Variants in SORBS2 observed in about 807,000 individuals in gnomAD.
SORBS2 encodes the protein sorbin and SH3 domain-containing protein 2.
A neutral mutation model predicts 97.7 loss-of-function variants in SORBS2; 46 were observed. That is an observed-to-expected ratio of 0.47 (90% confidence interval 0.37 to 0.60). SORBS2 has a LOEUF of 0.60. SORBS2 is among the 20% of genes least tolerant of loss of function. The pLI is 0.00. For missense variants in SORBS2, 1,316 were observed against 1,282.3 expected (o/e 1.03, Z -0.40); for synonymous variants, 476 against 473.4 (o/e 1.01, Z -0.07).
At chr4:185,628,348 C>A (rs1469772784) in intron 5 of SORBS2, among the ~76,000 whole-genome samples, 1 of 149,318 alleles carries the variant, frequency 6.7e-6, no homozygotes, top group East Asian at 1.9e-4. Context: ...AAAAAGACAT[C>A]AAGAGAGGAA....
chr4:185,903,277 C>T (rs1220564530), intron 1 of SORBS2, among the ~76,000 whole-genome samples: 1 of 152,100 alleles, frequency 6.6e-6, no homozygotes, highest in Non-Finnish European at 1.5e-5. Context: ...ATCTTGGGCT[C>T]TTTAAGATTA....
chr4:185,835,470 T>C lies in SORBS2; in HGVS notation c.-337-60104A>G, dbSNP rs28447280. Among the ~76,000 whole-genome samples the C allele has an allele frequency of 3.8e-3, 580 of 152,300 alleles. 5 individuals carry two copies. Among genetic ancestry groups the C allele is most frequent in the African/African-American group, 0.013 (547 of 41,576 alleles). On this transcript the variant is annotated intron_variant, in intron 1 of 20. Transcript: ENST00000284776. ...ATTATCTCACATTCAGGTGAACTTATGACATTTTTTCCCCTGAGGAATCTA... is the reference window on the plus strand; with the variant it reads ...ATTATCTCACATTCAGGTGAACTTACGACATTTTTTCCCCTGAGGAATCTA...
At chr4:185,778,691 A>G (rs2099012603) in intron 1 of SORBS2, among the ~76,000 whole-genome samples, 1 of 152,160 alleles carries the variant, frequency 6.6e-6, no homozygotes, top group South Asian at 2.1e-4. Flanking sequence ...CTGATTCCAG[A>G]TTAAAGCAAG....
chr4:185,948,510 A>ATTTTTTTTTTTT (rs34637572), intron 1 of SORBS2, among the ~76,000 whole-genome samples: 1 of 87,734 alleles, frequency 1.1e-5, no homozygotes. Flanking sequence ...ATGAATTTCA[A>ATTTTTTTTTTTT]TTTTTTTTTT....
In SORBS2 at chr4:185,623,886, A is replaced by G; in HGVS notation, c.1243T>C (p.Ser415Pro). ...TTCTGGATCAGCTTTTCGAATTCGG[A>G]GATGCGTGTGGGCACCATGTCCCGG... is the stretch of plus-strand genomic sequence containing the variant. Residue 415 changes from serine to proline, a missense_variant, in exon 7 of 15, where the codon TCC becomes CCC. Ser to Pro is a moderately conservative substitution (Grantham distance 74). Transcript: ENST00000418609. The surrounding 1 kb of genome is among the most constrained non-coding windows in gnomAD (Gnocchi z 6.4). 1 of 1,614,096 alleles carries G rather than the reference A, an allele frequency of 6.2e-7. No individual in the cohort carries two copies. The highest frequency in any genetic ancestry group is 8.5e-7 in the Non-Finnish European group (1 of 1,180,024).
intron 1 of SORBS2, among the ~76,000 whole-genome samples, chr4:185,900,995 T>C (rs1325939017): frequency 6.6e-6 from 1 of 152,240 alleles, no homozygotes; most frequent in Non-Finnish European, 1.5e-5. Flanking sequence ...ACATTTGCAA[T>C]CTCAATTGCA....
intron 4 of SORBS2, among the ~76,000 whole-genome samples, chr4:185,642,955 TC>T (rs1384932951): frequency 6.6e-6 from 1 of 152,254 alleles, no homozygotes; most frequent in Non-Finnish European, 1.5e-5. Context: ...ACCAACTTTT[TC>T]CACTGACTGC....
intron 2 of SORBS2, among the ~76,000 whole-genome samples, chr4:185,694,107 A>T (rs1350694705): frequency 1.3e-5 from 2 of 152,248 alleles, no homozygotes; most frequent in Admixed American, 1.3e-4. Flanking sequence ...ACTAATAAAA[A>T]TGCACGATTC....
At chr4:185,666,681 C>A (rs1369333715) in intron 4 of SORBS2, among the ~76,000 whole-genome samples, 1 of 152,126 alleles carries the variant, frequency 6.6e-6, no homozygotes, top group East Asian at 1.9e-4. Context: ...ATACTAAACA[C>A]AACTAAGCAG....
chr4:185,800,883 TTCTTA>T (rs1175375564), intron 1 of SORBS2, among the ~76,000 whole-genome samples: 1 of 152,214 alleles, frequency 6.6e-6, no homozygotes, highest in South Asian at 2.1e-4. Flanking sequence ...TAGTGATCAC[TTCTTA>T]TCTTTTTTGT....
intron 2 of SORBS2, among the ~76,000 whole-genome samples, chr4:185,730,331 A>C (rs1384396938): frequency 7.4e-6 from 1 of 134,976 alleles, no homozygotes; most frequent in Non-Finnish European, 1.5e-5. Flanking sequence ...TTTTTTTTGG[A>C]AAAGAAATAT....
chr4:185,727,410 T>C (rs4862569), intron 2 of SORBS2, among the ~76,000 whole-genome samples: 36,427 of 152,180 alleles, frequency 0.24, 5,377 homozygotes, highest in South Asian at 0.43. Flanking sequence ...TCAATAAATT[T>C]GGTAATTGAC....
rs376002220 is a variant in SORBS2, at chr4:185,647,412, C to CTT, written c.282-632_282-631dup. Among the ~76,000 whole-genome samples the CTT allele has an allele frequency of 3.1e-3, 403 of 131,664 alleles. 12 individuals are homozygous for CTT. Among genetic ancestry groups the CTT allele is most frequent in the African/African-American group, 8.9e-3 (318 of 35,554 alleles). 86.4% of individuals were successfully genotyped at this position (131,664 alleles called of 152,430 possible). ...GCTACTGAGCTAAAGAAGAAGGCTT[C>CTT]TTTTTTTTTTTTTTTTTCGAGACAG... is the stretch of plus-strand genomic sequence containing the variant. On this transcript the variant is annotated intron_variant, in intron 3 of 14. Coordinates refer to ENST00000418609, the Ensembl canonical transcript of SORBS2.
chr4:185,831,466 C>G (rs982389077), intron 1 of SORBS2, among the ~76,000 whole-genome samples: 1 of 152,146 alleles, frequency 6.6e-6, no homozygotes, highest in Non-Finnish European at 1.5e-5. Flanking sequence ...CAGCTGAATC[C>G]TTTATTTGTT....
At chr4:185,913,261 CCTAT>C (rs2149888617) in intron 1 of SORBS2, among the ~76,000 whole-genome samples, 1 of 152,236 alleles carries the variant, frequency 6.6e-6, no homozygotes, top group South Asian at 2.1e-4. Context: ...TCATGATTAG[CCTAT>C]CTTTTTATGG....
intron 2 of SORBS2, among the ~76,000 whole-genome samples, chr4:185,651,413 G>A (rs1484849604): frequency 2.0e-5 from 3 of 152,238 alleles, no homozygotes; most frequent in Non-Finnish European, 4.4e-5. Context: ...CTTGTTTTTG[G>A]TGAAGTGTAT....
intron 4 of SORBS2, among the ~76,000 whole-genome samples, chr4:185,643,279 T>G (rs1370197042): frequency 2.0e-5 from 3 of 151,990 alleles, no homozygotes; most frequent in Non-Finnish European, 4.4e-5. Context: ...CTTTTCCTGG[T>G]GGGGAGGTGC....
In SORBS2 at chr4:185,745,772, C is replaced by T. The variant is rs181362467; in HGVS notation, c.-198+29455G>A. Among the ~76,000 whole-genome samples the T allele has an allele frequency of 4.2e-3, 645 of 152,284 alleles. 3 individuals carry two copies. The highest frequency in any genetic ancestry group is 6.8e-3 in the Middle Eastern group (2 of 294). On this transcript the variant is annotated intron_variant, in intron 2 of 20. Coordinates refer to the SORBS2 transcript ENST00000284776. ...TTTTTAAGCCTATCTACCCCCTCCCCCGATTTGAAGACATCCCTCGGGCTA... is the reference window on the plus strand; with the variant it reads ...TTTTTAAGCCTATCTACCCCCTCCCTCGATTTGAAGACATCCCTCGGGCTA...
chr4:185,646,426 T>G, intron 4 of SORBS2: 1 of 314,920 alleles, frequency 3.2e-6, no homozygotes, highest in Non-Finnish European at 5.6e-6. Flanking sequence ...TGTATATATA[T>G]ATATATAAAT....
Sources: gnomAD v4.1 joint callset for allele counts (sites outside exome capture counted in the v4.1 genomes callset) on GRCh38, gnomAD v4.1.1 for gene constraint, Gnocchi (gnomAD v3.1) non-coding constraint, MANE v1.5 for transcripts, NCBI Gene and HGNC (gene_info 2026-07-23, HGNC 2026-07-21) for gene names.